The following ANTXR1 variants were observed in gnomAD, a reference collection of about 807,000 sequenced individuals.
ANTXR1 encodes the protein ANTXR cell adhesion molecule 1, also known as anthrax toxin receptor 1.
A neutral mutation model predicts 78.1 loss-of-function variants in ANTXR1; 19 were observed. The ratio of observed to expected loss-of-function variants is 0.24; its 90% confidence interval spans 0.17 to 0.36. The LOEUF (loss-of-function observed/expected upper bound fraction) is 0.36, where lower values mean the gene tolerates loss of function less well. Among genes scored for constraint, ANTXR1 ranks in the 10% least tolerant of loss-of-function variants. The probability of loss-of-function intolerance (pLI) is 1.00; values close to 1 mark genes in which losing one functional copy is unlikely to be tolerated. For missense variants in ANTXR1, 518 were observed against 718.6 expected (o/e 0.72, Z 3.19); for synonymous variants, 273 against 260.5 (o/e 1.05, Z -0.46).
intron 9 of ANTXR1, among the ~76,000 whole-genome samples, chr2:69,096,257 A>AG (rs1671398308): frequency 2.0e-5 from 1 of 50,196 alleles, no homozygotes; most frequent in Non-Finnish European, 3.5e-5. Flanking sequence ...GACTCCGTCA[A>AG]AAGGAAGGAA....
In ANTXR1 at chr2:69,182,621, T is replaced by A; in HGVS notation, c.1314T>A (p.Arg438=). The A allele has an allele frequency of 1.2e-6, 2 of 1,614,160 alleles. No homozygotes were observed. The highest frequency in any genetic ancestry group is 2.2e-5 in the South Asian group (2 of 91,076). Residue 438 remains arginine, a synonymous_variant, in exon 16 of 18, where the codon CGT becomes CGA. Transcript: ENST00000303714. ...CGCGAAATCTCAACAACAATATGCG[T>A]CGGCCTTCTTCCCCCCGGAAGTGGT... ...PEPRNLNNNM[R]RPSSPRKWYS...
intron 17 of ANTXR1, among the ~76,000 whole-genome samples, chr2:69,200,157 A>G (rs1466013570): frequency 1.3e-5 from 2 of 152,164 alleles, no homozygotes; most frequent in Non-Finnish European, 2.9e-5. Context: ...ATCTGTTTTC[A>G]GATCTGGCAT....
chr2:69,183,568 A>ATTTTTTT (rs1558628939), intron 16 of ANTXR1, among the ~76,000 whole-genome samples: 1 of 118,378 alleles, frequency 8.4e-6, no homozygotes, highest in African/African-American at 3.7e-5. Context: ...CACCCAGCTA[A>ATTTTTTT]TTTTTGTTTT....
At chr2:69,064,508 G>A (rs1670336129) in intron 3 of ANTXR1, among the ~76,000 whole-genome samples, 2 of 152,206 alleles carry the variant, frequency 1.3e-5, no homozygotes, top group South Asian at 2.1e-4. Flanking sequence ...TGCACAGCCA[G>A]TATGGGAGGG....
intron 6 of ANTXR1, among the ~76,000 whole-genome samples, chr2:69,074,906 A>T (rs1670682534): frequency 6.6e-6 from 1 of 152,196 alleles, no homozygotes; most frequent in African/African-American, 2.4e-5. Context: ...ATTATCAGAG[A>T]CTTTAATAAA....
rs1674310176 is a variant in ANTXR1 at position 69,182,780 on chromosome 2, C to A, written c.1353+120C>A. The A allele has an allele frequency of 3.9e-6, 5 of 1,289,408 alleles. No individual in the cohort carries two copies. The East Asian group carries it at 9.4e-5, about 24-fold the overall frequency. The allele number at this position is 1,289,408 out of a possible 1,614,324, so 79.9% of individuals were successfully genotyped here. On this transcript the variant is annotated intron_variant, in intron 16 of 17. Coordinates refer to ENST00000303714, the MANE Select transcript of ANTXR1 (RefSeq NM_032208.3). ...TAAAACCCAGCTTATCACAGGGGAA[C>A]AATTATCTAAAATTATGGACTTGAA...
intron 10 of ANTXR1, among the ~76,000 whole-genome samples, chr2:69,121,847 T>C (rs764827707): frequency 2.0e-5 from 3 of 152,196 alleles, no homozygotes; most frequent in Non-Finnish European, 4.4e-5. Flanking sequence ...TAATAACTTC[T>C]CAACCCTGTC....
chr2:69,128,303 A>G (rs913213595), intron 12 of ANTXR1, among the ~76,000 whole-genome samples: 8 of 152,222 alleles, frequency 5.3e-5, no homozygotes, highest in Admixed American at 1.3e-4. Context: ...TAAAAAATTT[A>G]TATCAGTATT....
intron 3 of ANTXR1, among the ~76,000 whole-genome samples, chr2:69,051,832 TC>T (rs1669942667): frequency 6.6e-6 from 1 of 152,144 alleles, no homozygotes. Context: ...GTGCATCTAA[TC>T]AATATAAAAT....
chr2:69,075,800 A>C, intron 7 of ANTXR1, 142 bp downstream of exon 7: 1 of 835,118 alleles, frequency 1.2e-6, no homozygotes, highest in South Asian at 1.4e-5. Flanking sequence ...AACAGGAAGG[A>C]ATTACTGGTT....
At chr2:69,156,068 A>C (rs1673516532) in intron 13 of ANTXR1, among the ~76,000 whole-genome samples, 1 of 152,088 alleles carries the variant, frequency 6.6e-6, no homozygotes, top group African/African-American at 2.4e-5. Context: ...CAGTCACCTC[A>C]GAAGAGAGCA....
chr2:69,075,537 GA>G (rs1670703750), intron 6 of ANTXR1, 52 bp from the exon 7 acceptor site: 1 of 1,544,262 alleles, frequency 6.5e-7, no homozygotes, highest in South Asian at 1.1e-5. Context: ...GCTCCAAGAG[GA>G]GTTCATTTGT....
At chr2:69,148,289 T>C (rs1027554598) in intron 12 of ANTXR1, among the ~76,000 whole-genome samples, 14 of 152,302 alleles carry the variant, frequency 9.2e-5, no homozygotes, top group Non-Finnish European at 7.4e-5. Context: ...CCACTGCCCC[T>C]GCCCTACCCC....
At chr2:69,179,141 C>CT (rs1674208956) in intron 14 of ANTXR1, among the ~76,000 whole-genome samples, 1 of 152,190 alleles carries the variant, frequency 6.6e-6, no homozygotes, top group African/African-American at 2.4e-5. Flanking sequence ...AAGATTCCTG[C>CT]TTTCACATCA....
At chr2:69,026,914 G>A (rs183258350) in intron 1 of ANTXR1, among the ~76,000 whole-genome samples, 3 of 152,292 alleles carry the variant, frequency 2.0e-5, no homozygotes, top group East Asian at 1.9e-4. Context: ...GACTAAGGGC[G>A]TTGACACTGA....
At chr2:69,220,167 C>T (rs1051094483) in intron 17 of ANTXR1, among the ~76,000 whole-genome samples, 1 of 152,152 alleles carries the variant, frequency 6.6e-6, no homozygotes, top group African/African-American at 2.4e-5. Context: ...ATATAGGAAG[C>T]CAAGGCAGTC....
chr2:69,120,786 A>T (rs974654906), intron 10 of ANTXR1, among the ~76,000 whole-genome samples: 7 of 152,222 alleles, frequency 4.6e-5, no homozygotes, highest in Non-Finnish European at 8.8e-5. Context: ...ACATTCCATC[A>T]TCTGCCAACA....
intron 8 of ANTXR1, among the ~76,000 whole-genome samples, chr2:69,084,083 T>G (rs1481252992): frequency 6.6e-6 from 1 of 152,222 alleles, no homozygotes; most frequent in Non-Finnish European, 1.5e-5. Flanking sequence ...ATTCCTATTC[T>G]TCCTGCAGCC....
At chr2:69,178,610 C>T (rs994023505) in intron 14 of ANTXR1, among the ~76,000 whole-genome samples, 4 of 152,246 alleles carry the variant, frequency 2.6e-5, no homozygotes, top group South Asian at 2.1e-4. Context: ...GGGAGAACTG[C>T]CCCCGTGTGC....
Sources: allele counts gnomAD v4.1 joint callset (sites outside exome capture counted in the v4.1 genomes callset), GRCh38; gene constraint gnomAD v4.1.1; transcripts MANE v1.5; gene names NCBI Gene and HGNC (gene_info 2026-07-23, HGNC 2026-07-21).